LYG2: variants seen among roughly 807,000 people sequenced by gnomAD.
The protein encoded by LYG2 is lysozyme g-like protein 2.
LYG2 carries 25 observed loss-of-function variants against 22.4 expected under a neutral mutation model. The observed-to-expected ratio is 1.12, with a 90% CI of 0.81 to 1.56. The LOEUF is 1.56. LYG2 is among the 40% of genes most tolerant of loss of function. The probability of loss-of-function intolerance (pLI) is 0.00; values close to 1 mark genes in which losing one functional copy is unlikely to be tolerated. For missense variants in LYG2, 266 were observed against 269.5 expected (o/e 0.99, Z 0.09); for synonymous variants, 88 against 97.0 (o/e 0.91, Z 0.55).
upstream of LYG2, among the ~76,000 whole-genome samples, chr2:99,257,189 A>G (rs1181683506): frequency 6.6e-6 from 1 of 152,226 alleles, no homozygotes; most frequent in African/African-American, 2.4e-5. Context: ...TTTTTATACC[A>G]CTATCTGTCA....
intron 3 of LYG2, among the ~76,000 whole-genome samples, chr2:99,248,070 A>T (rs1343917592): frequency 6.6e-6 from 1 of 152,218 alleles, no homozygotes; most frequent in Non-Finnish European, 1.5e-5. Flanking sequence ...ATCATTAAAA[A>T]GTCAGGCAAC....
At position 99,245,294 on chromosome 2, in the gene LYG2, C is replaced by G. The variant is rs1559205027; in HGVS notation, c.349G>C (p.Asp117His). 1.2e-6 allele frequency: 2 copies of G among 1,608,364 alleles called. No homozygotes were observed. Among genetic ancestry groups the G allele is most frequent in the African/African-American group, 1.3e-5 (1 of 74,632 alleles). Reference protein sequence around the residue: ...HGGSVLQDGWDHRGLKFGLMQ... With the variant: ...HGGSVLQDGWHHRGLKFGLMQ... ...AAGCCAAATTTAAGTCCCCTGTGGTCCCAGCCGTCTTGCAGGACAGATCCG... is the reference window on the plus strand; with the variant it reads ...AAGCCAAATTTAAGTCCCCTGTGGTGCCAGCCGTCTTGCAGGACAGATCCG... The change falls in exon 5 of 7, where the codon GAC becomes CAC. Residue 117 changes from aspartate (D) to histidine (H), a missense_variant. Physicochemically the swap from Asp to His is moderately conservative, Grantham distance 81 (BLOSUM62 -1). Transcript: ENST00000333017.
chr2:99,251,413 T>TTA (rs2094026329), intron 3 of LYG2, among the ~76,000 whole-genome samples: 1 of 152,178 alleles, frequency 6.6e-6, no homozygotes, highest in Non-Finnish European at 1.5e-5. Context: ...TACTGTCTCA[T>TTA]TGTTGGTTGG....
Position 99,248,048 on chromosome 2 carries a change from G to T in LYG2, c.44-1228C>A, listed in dbSNP as rs573322452. ...CACAATGAGATACCATCTCACACCAGTTAGAATGGCAATCATTAAAAAGTC... is the reference window on the plus strand; with the variant it reads ...CACAATGAGATACCATCTCACACCATTTAGAATGGCAATCATTAAAAAGTC... On this transcript the variant is annotated intron_variant, in intron 3 of 6. Coordinates refer to ENST00000333017, the MANE Select transcript of LYG2 (RefSeq NM_175735.4). 2.6e-5 allele frequency among the ~76,000 whole-genome samples: 4 copies of T among 152,292 alleles called. No individual in the cohort carries two copies. In the South Asian group the frequency reaches 6.2e-4, roughly 24 times the overall value.
intron 1 of LYG2, among the ~76,000 whole-genome samples, 115 bp downstream of exon 1, chr2:99,255,488 A>G (rs951320291): frequency 6.6e-6 from 1 of 152,240 alleles, no homozygotes; most frequent in Non-Finnish European, 1.5e-5. Context: ...GATTGTTTCT[A>G]GATATCTAAA....
intron 2 of LYG2, 137 bp from the exon 3 acceptor site, chr2:99,254,422 C>T (rs1018864615): frequency 1.1e-5 from 5 of 436,236 alleles, no homozygotes; most frequent in African/African-American, 6.4e-5. Context: ...ATAGTATTCT[C>T]ACAGGCTCAG....
chr2:99,245,494 T>C, intron 4 of LYG2, 36 bp from the exon 5 acceptor site: 1 of 1,394,570 alleles, frequency 7.2e-7, no homozygotes. Context: ...TTTCCGGGCA[T>C]GGTAGTGTGT....
chr2:99,251,457 T>C (rs1171903590), intron 3 of LYG2, among the ~76,000 whole-genome samples: 1 of 152,228 alleles, frequency 6.6e-6, no homozygotes, highest in Non-Finnish European at 1.5e-5. Flanking sequence ...CACTATTGTA[T>C]GTAAATAAGT....
rs925714450 is a variant in LYG2, at chr2:99,246,992, C to A, written c.44-172G>T. ...TTCCCCATGCCCACTCTGCTCCGAT[C>A]TTTTGTTTTGTTTTGTATTAACACA... is the stretch of plus-strand genomic sequence containing the variant. On this transcript the variant is annotated intron_variant, in intron 3 of 6. Transcript: ENST00000333017. Among the ~76,000 whole-genome samples, 43 of 152,242 alleles carry A rather than the reference C, an allele frequency of 2.8e-4. 2 individuals are homozygous for A. Among genetic ancestry groups the A allele is most frequent in the Admixed American group, 6.5e-5 (1 of 15,280 alleles).
chr2:99,242,680 T>G (rs1370945962), intron 6 of LYG2, among the ~76,000 whole-genome samples, 198 bp from the exon 7 acceptor site: 1 of 152,212 alleles, frequency 6.6e-6, no homozygotes, highest in African/African-American at 2.4e-5. Flanking sequence ...TTCTTTCTCT[T>G]TTTCCAAAGT....
At chr2:99,259,358 A>G (rs138140530), upstream of LYG2, among the ~76,000 whole-genome samples, 1,655 of 152,310 alleles carry the variant, frequency 0.011, 9 homozygotes, top group Middle Eastern at 0.024. Context: ...AAATTCATCA[A>G]CAGAAGAATG....
chr2:99,249,810 T>G (rs886791281), intron 3 of LYG2, among the ~76,000 whole-genome samples: 1 of 149,748 alleles, frequency 6.7e-6, no homozygotes, highest in African/African-American at 2.5e-5. Flanking sequence ...CTCCCACCTC[T>G]GCTTCTGCCA....
intron 6 of LYG2, among the ~76,000 whole-genome samples, chr2:99,242,893 CACTG>C (rs990278886): frequency 1.3e-5 from 2 of 152,202 alleles, no homozygotes; most frequent in African/African-American, 4.8e-5. Flanking sequence ...AGAGGTGCCA[CACTG>C]ACTGCAAGGT....
chr2:99,253,884 T>C (rs2094031421), intron 3 of LYG2, among the ~76,000 whole-genome samples: 1 of 152,144 alleles, frequency 6.6e-6, no homozygotes, highest in Admixed American at 6.6e-5. Flanking sequence ...TGCTTGGCAT[T>C]GATAATTGTC....
chr2:99,254,877 A>G (rs2094033321), intron 2 of LYG2, 143 bp downstream of exon 2: 1 of 152,494 alleles, frequency 6.6e-6, no homozygotes, highest in East Asian at 1.9e-4. Flanking sequence ...AAAACAAAAT[A>G]AAACAAAATA....
intron 3 of LYG2, among the ~76,000 whole-genome samples, chr2:99,253,015 C>G (rs1204428268): frequency 7.0e-6 from 1 of 142,974 alleles, no homozygotes; most frequent in African/African-American, 2.6e-5. Flanking sequence ...CCACTGCACT[C>G]TCCAGCCTGG....
chr2:99,243,723 AGAC>A, intron 6 of LYG2: 1 of 271,272 alleles, frequency 3.7e-6, no homozygotes, highest in South Asian at 6.3e-5. Flanking sequence ...TTTTTTGTAG[AGAC>A]AGGGTCTCAC....
intron 5 of LYG2, among the ~76,000 whole-genome samples, chr2:99,245,003 T>G (rs1270236781): frequency 6.6e-6 from 1 of 151,346 alleles, no homozygotes; most frequent in Non-Finnish European, 1.5e-5. Context: ...TCCCAGCTAC[T>G]CAGGAGGCTG....
chr2:99,242,698 T>C (rs2094008561), intron 6 of LYG2, among the ~76,000 whole-genome samples: 2 of 152,160 alleles, frequency 1.3e-5, no homozygotes, highest in Admixed American at 6.5e-5. Flanking sequence ...AGTCTTTGGT[T>C]TTTCTTGTTG....
Sources: gnomAD v4.1 joint callset for allele counts (sites outside exome capture counted in the v4.1 genomes callset) on GRCh38, gnomAD v4.1.1 for gene constraint, MANE v1.5 for transcripts, NCBI Gene and HGNC (gene_info 2026-07-23, HGNC 2026-07-21) for gene names.